NXPE2: variants seen among roughly 807,000 people sequenced by gnomAD.
NXPE2 encodes the protein NXPE family member 2.
Under a neutral mutation model 34.4 loss-of-function variants are expected in NXPE2, and 34 were observed. The observed-to-expected ratio is 0.99, with a 90% CI of 0.75 to 1.31. The LOEUF (loss-of-function observed/expected upper bound fraction) is 1.31. Ranked by LOEUF, NXPE2 falls within the 40% of genes most tolerant of loss-of-function variation. The pLI, the probability that NXPE2 is intolerant of heterozygous loss-of-function variation, is 0.00. For missense variants in NXPE2, 649 were observed against 672.5 expected, an observed-to-expected ratio of 0.97 and a Z score of 0.39; for synonymous variants, 235 against 231.3, an observed-to-expected ratio of 1.02 and a Z score of -0.15.
chr11:114,727,728 G>A, the NXPE2 span, among the ~76,000 whole-genome samples: 1 of 147,986 alleles, frequency 6.8e-6, no homozygotes, highest in African/African-American at 2.5e-5. Flanking sequence ...TATTTAGGAA[G>A]ATAAATAATT....
chr11:114,773,089 C>G, the NXPE2 span, among the ~76,000 whole-genome samples: 1 of 152,126 alleles, frequency 6.6e-6, no homozygotes, highest in Admixed American at 6.5e-5. Context: ...TGCACTAACC[C>G]TGATGTCTGT....
At chr11:114,786,967 C>T in the NXPE2 span, among the ~76,000 whole-genome samples, 1 of 152,184 alleles carries the variant, frequency 6.6e-6, no homozygotes, top group African/African-American at 2.4e-5. Flanking sequence ...GGTGAGACTG[C>T]ACTGTGGGAG....
the NXPE2 span, among the ~76,000 whole-genome samples, chr11:114,655,178 T>C: frequency 1.1e-4 from 16 of 152,226 alleles, no homozygotes; most frequent in African/African-American, 3.4e-4. Flanking sequence ...GATTGTTTGT[T>C]TTTTCTTGTA....
chr11:114,715,971 A>G, the NXPE2 span, among the ~76,000 whole-genome samples: 1 of 152,206 alleles, frequency 6.6e-6, no homozygotes, highest in Non-Finnish European at 1.5e-5. Context: ...GGTGATGCCC[A>G]GGAATCTGTA....
chr11:114,673,138 C>T, the NXPE2 span, among the ~76,000 whole-genome samples: 1 of 149,106 alleles, frequency 6.7e-6, no homozygotes, highest in Non-Finnish European at 1.5e-5. Context: ...TGCTCTGTGG[C>T]TATATGGAAT....
the NXPE2 span, among the ~76,000 whole-genome samples, chr11:114,515,029 C>A: frequency 2.0e-5 from 3 of 151,978 alleles, no homozygotes. Flanking sequence ...TCTGTATTGT[C>A]ATAGTATATA....
At chr11:114,633,211 T>G in the NXPE2 span, among the ~76,000 whole-genome samples, 2 of 132,356 alleles carry the variant, frequency 1.5e-5, no homozygotes, top group Non-Finnish European at 3.1e-5. Context: ...AACATGTATA[T>G]TACATTATAT....
At chr11:114,522,734 A>G in the NXPE2 span, 2 of 683,078 alleles carry the variant, frequency 2.9e-6, no homozygotes, top group East Asian at 2.7e-5. Flanking sequence ...AAGAAGGAAT[A>G]AAATACATTT....
chr11:114,488,594 G>A, the NXPE2 span, among the ~76,000 whole-genome samples: 28 of 152,256 alleles, frequency 1.8e-4, no homozygotes, highest in African/African-American at 6.3e-4. Context: ...TGAACAGCCT[G>A]CTCCTGAATG....
the NXPE2 span, chr11:114,582,839 G>A: frequency 6.2e-7 from 1 of 1,614,170 alleles, no homozygotes; most frequent in South Asian, 1.1e-5. Context: ...CGCTGGTGGT[G>A]GTGTTCACGT....
At chr11:114,509,746 G>T in the NXPE2 span, among the ~76,000 whole-genome samples, 2,434 of 152,192 alleles carry the variant, frequency 0.016, 48 homozygotes, top group African/African-American at 0.053. Context: ...CATAGAGGGG[G>T]ACAACACACA....
chr11:114,508,392 A>G, the NXPE2 span, among the ~76,000 whole-genome samples: 1 of 152,202 alleles, frequency 6.6e-6, no homozygotes, highest in Non-Finnish European at 1.5e-5. Flanking sequence ...AGAAAAAACT[A>G]TTTTAAAATT....
At chr11:114,792,583 T>C in the NXPE2 span, among the ~76,000 whole-genome samples, 2 of 152,210 alleles carry the variant, frequency 1.3e-5, no homozygotes, top group African/African-American at 4.8e-5. Flanking sequence ...TCAAGGGAAG[T>C]AGAAGCCATG....
At chr11:114,478,429 A>G in the NXPE2 span, among the ~76,000 whole-genome samples, 1 of 152,182 alleles carries the variant, frequency 6.6e-6, no homozygotes, top group Admixed American at 6.6e-5. Flanking sequence ...TTACAATTGC[A>G]AATTTTCTAA....
the NXPE2 span, among the ~76,000 whole-genome samples, chr11:114,634,470 A>C: frequency 1.8e-4 from 28 of 152,186 alleles, 1 homozygote; most frequent in South Asian, 5.8e-3. Context: ...TAGTTTAGTT[A>C]GATCCCACTT....
the NXPE2 span, among the ~76,000 whole-genome samples, chr11:114,520,578 G>A: frequency 6.6e-6 from 1 of 152,160 alleles, no homozygotes; most frequent in East Asian, 1.9e-4. Flanking sequence ...GTGAGCATGA[G>A]AATGCAGATA....
the NXPE2 span, among the ~76,000 whole-genome samples, chr11:114,763,768 G>T: frequency 6.6e-6 from 1 of 152,130 alleles, no homozygotes; most frequent in Non-Finnish European, 1.5e-5. Context: ...TATGTGTAGA[G>T]AACTTAGAAC....
the NXPE2 span, among the ~76,000 whole-genome samples, chr11:114,532,556 A>G: frequency 3.9e-5 from 6 of 152,162 alleles, no homozygotes; most frequent in Non-Finnish European, 8.8e-5. Flanking sequence ...TGGTGAGTAC[A>G]GACATCCCTA....
At chr11:114,471,123 T>C in the NXPE2 span, among the ~76,000 whole-genome samples, 1 of 152,218 alleles carries the variant, frequency 6.6e-6, no homozygotes, top group Non-Finnish European at 1.5e-5. Context: ...TCTAAGAGAA[T>C]GTCTTAATTT....
Sources: allele counts gnomAD v4.1 joint callset (sites outside exome capture counted in the v4.1 genomes callset), GRCh38; gene constraint gnomAD v4.1.1; transcripts MANE v1.5; gene names NCBI Gene and HGNC (gene_info 2026-07-23, HGNC 2026-07-21).